Variants in CLSTN2 observed in about 807,000 individuals in gnomAD.
The protein encoded by CLSTN2 is calsyntenin-2.
CLSTN2 carries 48 observed loss-of-function variants against 101.2 expected under a neutral mutation model. The ratio of observed to expected loss-of-function variants is 0.47; its 90% CI spans 0.38 to 0.60. The LOEUF (loss-of-function observed/expected upper bound fraction) is 0.60, where lower values mean the gene tolerates loss of function less well. Ranked by LOEUF, CLSTN2 falls within the 20% of genes least tolerant of loss-of-function variation. The probability of loss-of-function intolerance (pLI) is 0.00; values close to 1 mark genes in which losing one functional copy is unlikely to be tolerated. For missense variants in CLSTN2, 1,160 were observed against 1,238.2 expected (o/e 0.94, Z 0.95); for synonymous variants, 481 against 463.6 (o/e 1.04, Z -0.48).
chr3:139,984,973 T>A (rs1481109668), intron 1 of CLSTN2, among the ~76,000 whole-genome samples: 1 of 152,180 alleles, frequency 6.6e-6, no homozygotes, highest in Non-Finnish European at 1.5e-5. Flanking sequence ...TACTTATTAC[T>A]TGCAATCCAG....
intron 16 of CLSTN2, among the ~76,000 whole-genome samples, 192 bp downstream of exon 16, chr3:140,564,337 A>C (rs142887853): frequency 1.6e-4 from 24 of 152,178 alleles, no homozygotes; most frequent in Middle Eastern, 3.4e-3. Context: ...ATACCTTCCC[A>C]CCAACTACAT....
intron 4 of CLSTN2, among the ~76,000 whole-genome samples, chr3:140,412,117 G>C (rs1052368731): frequency 6.6e-6 from 1 of 152,214 alleles, no homozygotes; most frequent in Admixed American, 6.5e-5. Context: ...CCGGGTTCAA[G>C]TGATTCACCT....
chr3:140,464,017 A>G (rs1933626450), intron 7 of CLSTN2, among the ~76,000 whole-genome samples: 2 of 152,232 alleles, frequency 1.3e-5, no homozygotes, highest in South Asian at 4.1e-4. Context: ...TACCATATCA[A>G]TTCCTATGTA....
intron 8 of CLSTN2, among the ~76,000 whole-genome samples, chr3:140,479,727 G>C (rs1160030982): frequency 1.3e-5 from 2 of 152,046 alleles, no homozygotes; most frequent in Admixed American, 6.5e-5. Context: ...TAAGAGAATA[G>C]AAATGGAAGA....
chr3:140,328,081 C>T (rs1309692655), intron 2 of CLSTN2, among the ~76,000 whole-genome samples: 1 of 152,160 alleles, frequency 6.6e-6, no homozygotes. Context: ...CTTTCACTTG[C>T]ATTGGTCTTG....
rs115836003 is a variant in CLSTN2 at position 140,556,960 on chromosome 3, G to A, written c.1823+299G>A. ...GAGCTAGGAATTTGAAGTGATCTGGGTGTGCGTTTGAAGTGTTCTGATTTA... is the reference window on the plus strand; with the variant it reads ...GAGCTAGGAATTTGAAGTGATCTGGATGTGCGTTTGAAGTGTTCTGATTTA... On this transcript the variant is annotated intron_variant, in intron 11 of 16. Transcript: ENST00000458420. The A allele has an allele frequency of 2.4e-3, 785 of 330,020 alleles. 5 individuals are homozygous for A. The highest frequency in any genetic ancestry group is 0.015 in the African/African-American group (713 of 47,346). 20.4% of individuals were successfully genotyped at this position (330,020 alleles called of 1,614,324 possible). A position where few individuals can be genotyped will look rare whatever the true frequency, so the allele number is the denominator to read the frequency against.
At chr3:140,130,174 C>T (rs1055913676) in intron 1 of CLSTN2, among the ~76,000 whole-genome samples, 13 of 152,082 alleles carry the variant, frequency 8.5e-5, no homozygotes, top group Admixed American at 6.6e-4. Flanking sequence ...CCTAGAGATC[C>T]GGTGAGGCTC....
At chr3:140,374,653 T>G (rs1342947757) in intron 2 of CLSTN2, among the ~76,000 whole-genome samples, 1 of 152,238 alleles carries the variant, frequency 6.6e-6, no homozygotes, top group Non-Finnish European at 1.5e-5. Context: ...ATTTTAAAAA[T>G]AGAGCTATCA....
At chr3:140,182,613 G>C (rs1559800536) in intron 2 of CLSTN2, among the ~76,000 whole-genome samples, 1 of 152,124 alleles carries the variant, frequency 6.6e-6, no homozygotes, top group Non-Finnish European at 1.5e-5. Flanking sequence ...GTGTCCCCTG[G>C]TATCCCACTC....
chr3:140,382,046 G>C (rs577461193), intron 2 of CLSTN2, among the ~76,000 whole-genome samples: 19 of 152,228 alleles, frequency 1.2e-4, no homozygotes, highest in African/African-American at 3.6e-4. Context: ...CTTTGCGCTT[G>C]CTGTTTTTCT....
intron 1 of CLSTN2, among the ~76,000 whole-genome samples, chr3:140,015,845 C>A (rs2007189580): frequency 6.6e-6 from 1 of 152,252 alleles, no homozygotes; most frequent in Non-Finnish European, 1.5e-5. Context: ...TCAGCCTCTG[C>A]TCCACCTTTC....
intron 2 of CLSTN2, among the ~76,000 whole-genome samples, chr3:140,316,498 T>G (rs962102474): frequency 4.6e-5 from 7 of 152,202 alleles, no homozygotes; most frequent in Non-Finnish European, 7.3e-5. Context: ...ATGAAGCTCC[T>G]TCTTCTGCTA....
chr3:140,231,729 G>A (rs997050995), intron 2 of CLSTN2, among the ~76,000 whole-genome samples: 1 of 152,176 alleles, frequency 6.6e-6, no homozygotes, highest in Non-Finnish European at 1.5e-5. Context: ...ATCCATTTGA[G>A]TAGGAAATGT....
intron 4 of CLSTN2, among the ~76,000 whole-genome samples, chr3:140,415,348 A>C (rs2088416792): frequency 6.6e-6 from 1 of 152,084 alleles, no homozygotes; most frequent in Non-Finnish European, 1.5e-5. Flanking sequence ...GCACAATATC[A>C]AACTAAAAAG....
At chr3:140,116,108 A>G (rs1560099470) in intron 1 of CLSTN2, among the ~76,000 whole-genome samples, 1 of 152,162 alleles carries the variant, frequency 6.6e-6, no homozygotes. Context: ...GCAGCAGCTG[A>G]AGTGGGAATA....
intron 1 of CLSTN2, among the ~76,000 whole-genome samples, chr3:140,090,185 G>C (rs912865787): frequency 6.6e-6 from 1 of 150,802 alleles, no homozygotes; most frequent in Non-Finnish European, 1.5e-5. Context: ...CCGGCTGAAG[G>C]GGGGTTATCT....
chr3:140,388,597 C>A (rs888405904), intron 2 of CLSTN2, among the ~76,000 whole-genome samples: 4 of 152,150 alleles, frequency 2.6e-5, no homozygotes, highest in African/African-American at 9.7e-5. Context: ...GGCAGGGAGA[C>A]CTGAATTCAA....
chr3:140,536,418 C>G (rs971476951), intron 9 of CLSTN2, among the ~76,000 whole-genome samples: 5 of 152,182 alleles, frequency 3.3e-5, no homozygotes, highest in African/African-American at 1.2e-4. Flanking sequence ...AAGACCATAG[C>G]ATGATCTAGT....
chr3:140,389,246 T>G (rs1300212195), intron 2 of CLSTN2, among the ~76,000 whole-genome samples: 2 of 152,202 alleles, frequency 1.3e-5, no homozygotes, highest in African/African-American at 4.8e-5. Context: ...CACCCAGGTA[T>G]TAAGCCCCAC....
Sources: allele counts gnomAD v4.1 joint callset (sites outside exome capture counted in the v4.1 genomes callset), GRCh38; gene constraint gnomAD v4.1.1; transcripts MANE v1.5; gene names NCBI Gene and HGNC (gene_info 2026-07-23, HGNC 2026-07-21).